Variants in FREM2 observed in about 807,000 individuals in gnomAD.
FREM2 encodes FRAS1 related extracellular matrix 2, also known as FRAS1-related extracellular matrix protein 2.
FREM2 carries 119 observed loss-of-function variants against 219.9 expected under a neutral mutation model. That is an observed-to-expected ratio of 0.54 (90% CI 0.47 to 0.63). The LOEUF is 0.63. Among genes scored for constraint, FREM2 ranks in the 30% least tolerant of loss-of-function variants. The pLI, the probability that FREM2 is intolerant of heterozygous loss-of-function variation, is 0.00. For missense variants in FREM2, 4,030 were observed against 3,993.6 expected, an observed-to-expected ratio of 1.01 and a Z score of -0.25; for synonymous variants, 1,562 against 1,522.8, an observed-to-expected ratio of 1.03 and a Z score of -0.60.
chr13:38,872,408 GTTTAC>G (rs1375091107), intron 16 of FREM2, among the ~76,000 whole-genome samples: 8 of 152,086 alleles, frequency 5.3e-5, no homozygotes, highest in Non-Finnish European at 7.3e-5. Context: ...CCATTGAACT[GTTTAC>G]TTTAAATAGG....
intron 12 of FREM2, 72 bp from the exon 13 acceptor site, chr13:38,857,803 A>T: frequency 7.6e-7 from 1 of 1,315,804 alleles, no homozygotes; most frequent in Non-Finnish European, 1.1e-6. Context: ...GATCGTGAGT[A>T]TTGTTCTGTG....
At chr13:38,694,117 G>A (rs1239266551) in intron 1 of FREM2, among the ~76,000 whole-genome samples, 1 of 152,162 alleles carries the variant, frequency 6.6e-6, no homozygotes, top group Non-Finnish European at 1.5e-5. Flanking sequence ...TTTAAATTCT[G>A]TGGACTAAGT....
intron 2 of FREM2, among the ~76,000 whole-genome samples, chr13:38,763,464 C>CTTT (rs1163604743): frequency 5.9e-5 from 6 of 102,364 alleles, no homozygotes; most frequent in Admixed American, 1.2e-4. Context: ...GTTACTTGGG[C>CTTT]TTTTTTTTTT....
Position 38,846,439 on chromosome 13 carries a change from C to G in FREM2, c.6020-134C>G, listed in dbSNP as rs558684419. On this transcript the variant is annotated intron_variant, in intron 6 of 23. Coordinates refer to ENST00000280481, the MANE Select transcript of FREM2 (RefSeq NM_207361.6). Reference sequence around the variant, plus strand: ...AGTTTAGATTAAAGAGATGTTATCTCACTAAAAGGAAAAAAGTATGATGAT... The same window carrying G: ...AGTTTAGATTAAAGAGATGTTATCTGACTAAAAGGAAAAAAGTATGATGAT... The G allele has an allele frequency of 1.7e-4, 141 of 848,826 alleles. No individual in the cohort carries two copies. The African/African-American group carries it at 2.3e-3, about 14-fold the overall frequency. The allele number at this position is 848,826 out of a possible 1,614,324, so 52.6% of individuals were successfully genotyped here.
Position 38,851,041 on chromosome 13 carries a change from C to T in FREM2, c.6675C>T (p.Asn2225=). 1 of 1,614,030 alleles carries T rather than the reference C, an allele frequency of 6.2e-7. No individual in the cohort carries two copies. Among genetic ancestry groups the T allele is most frequent in the Admixed American group, 1.7e-5 (1 of 60,026 alleles). Residue 2225 remains asparagine (N), a synonymous_variant, in exon 10 of 24, where the codon AAC becomes AAT. Transcript: ENST00000280481. Reference sequence around the variant, plus strand: ...TGGTACTCGGCACTCCACAAAGCAACTCTCCCTTTGGGGCTGCAGTTGGTG... The same window carrying T: ...TGGTACTCGGCACTCCACAAAGCAATTCTCCCTTTGGGGCTGCAGTTGGTG... ...LRLVLGTPQS[N]SPFGAAVGEQ...
In FREM2 at chr13:38,692,315, A is replaced by G; in HGVS notation, c.4971A>G (p.Gln1657=). ...QVLAVDNSVP[Q]IAVNKGASTL... is the part of the protein sequence containing the mutation. ...TGGCTGTTGACAACAGTGTCCCCCAAATCGCAGTGAATAAGGGGGCCTCTA... is the reference window on the plus strand; with the variant it reads ...TGGCTGTTGACAACAGTGTCCCCCAGATCGCAGTGAATAAGGGGGCCTCTA... The change falls in exon 1 of 24, where the codon CAA becomes CAG. Residue 1657 remains glutamine (Q), a synonymous_variant. Transcript: ENST00000280481. 1.2e-6 allele frequency: 2 copies of G among 1,608,554 alleles called. No homozygotes were observed. The highest frequency in any genetic ancestry group is 1.7e-6 in the Non-Finnish European group (2 of 1,176,982).
chr13:38,750,394 C>G (rs1207675013), intron 2 of FREM2, among the ~76,000 whole-genome samples: 1 of 152,130 alleles, frequency 6.6e-6, no homozygotes, highest in Non-Finnish European at 1.5e-5. Context: ...TTTTCTGTGC[C>G]TAGCTTATTT....
At chr13:38,761,671 G>A (rs550471072) in intron 2 of FREM2, among the ~76,000 whole-genome samples, 1 of 152,268 alleles carries the variant, frequency 6.6e-6, no homozygotes, top group Admixed American at 6.5e-5. Context: ...GAGAACAGCT[G>A]CAGAACCACA....
At chr13:38,867,594 G>A (rs781651157) in intron 16 of FREM2, among the ~76,000 whole-genome samples, 9 of 152,228 alleles carry the variant, frequency 5.9e-5, no homozygotes, top group Admixed American at 1.3e-4. Context: ...CGTAGAGACT[G>A]AACAGTTCCA....
In FREM2 at chr13:38,850,059, AACGAATATAT is replaced by A; in HGVS notation, c.6404_6413del (p.Arg2135LeufsTer9). Reference sequence around the variant, plus strand: ...GCAGTGCCTAAGATGCAATTCAAAGAACGAATATATACTGGCAGCGAAAGTGATGGGCAGA... The same window carrying A: ...GCAGTGCCTAAGATGCAATTCAAAGAACTGGCAGCGAAAGTGATGGGCAGA... On this transcript the variant is annotated frameshift_variant, in exon 9 of 24. Coordinates refer to ENST00000280481, the MANE Select transcript of FREM2 (RefSeq NM_207361.6). LOFTEE classifies it high-confidence loss of function. 1 of 1,613,936 alleles carries A rather than the reference AACGAATATAT, an allele frequency of 6.2e-7. No individual in the cohort carries two copies. The highest frequency in any genetic ancestry group is 8.5e-7 in the Non-Finnish European group (1 of 1,179,836).
rs146940540 is a variant in FREM2 at position 38,851,024 on chromosome 13, G to A, written c.6658G>A (p.Gly2220Ser). ...EEVEELRLVL[G>S]TPQSNSPFGA... is the part of the protein sequence containing the mutation. ...GGTAGAGGAGCTCCGCCTGGTACTCGGCACTCCACAAAGCAACTCTCCCTT... is the reference window on the plus strand; with the variant it reads ...GGTAGAGGAGCTCCGCCTGGTACTCAGCACTCCACAAAGCAACTCTCCCTT... The change falls in exon 10 of 24, where the codon GGC (glycine) becomes AGC (serine). Residue 2220 changes from glycine (G) to serine (S), a missense_variant. Around this residue, in one of 2 missense-constraint regions of FREM2, gnomAD observed 3,102 missense variants for 2,950.7 expected, o/e 1.05. Transcript: ENST00000280481. The A allele has an allele frequency of 5.0e-6, 8 of 1,613,782 alleles. No homozygotes were observed. Among genetic ancestry groups the A allele is most frequent in the African/African-American group, 4.0e-5 (3 of 74,882 alleles).
Position 38,688,253 on chromosome 13 carries a change from C to G in FREM2, c.909C>G (p.Phe303Leu). The change falls in exon 1 of 24, where the codon TTC becomes TTG. Residue 303 changes from phenylalanine (F) to leucine (L), a missense_variant. This residue lies in a region of FREM2 where 3,102 missense variants were observed against 2,950.7 expected (regional missense o/e 1.05). Transcript: ENST00000280481. Reference sequence around the variant, plus strand: ...GCCCTGCTTTGAAACGCGAGCACTTCCAGGTTCTGGTGAGGATCCGAGGAG... The same window carrying G: ...GCCCTGCTTTGAAACGCGAGCACTTGCAGGTTCTGGTGAGGATCCGAGGAG... ...VGSPALKREH[F>L]QVLVRIRGGA... 6.2e-7 allele frequency: 1 copy of G among 1,613,970 alleles called. No homozygotes were observed. The highest frequency in any genetic ancestry group is 8.5e-7 in the Non-Finnish European group (1 of 1,180,024).
chr13:38,726,061 C>T (rs898803086), intron 2 of FREM2, among the ~76,000 whole-genome samples: 6 of 152,208 alleles, frequency 3.9e-5, no homozygotes, highest in East Asian at 1.9e-4. Flanking sequence ...ATGAGGAGGG[C>T]GCACACCATG....
chr13:38,820,209 CGGTGAAAAT>C (rs1212194092), intron 6 of FREM2, among the ~76,000 whole-genome samples: 1 of 152,030 alleles, frequency 6.6e-6, no homozygotes, highest in African/African-American at 2.4e-5. Flanking sequence ...GCAAATGACC[CGGTGAAAAT>C]GGTTGCCTTT....
Position 38,691,631 on chromosome 13 carries a change from G to A in FREM2, c.4287G>A (p.Val1429=). The A allele has an allele frequency of 1.2e-6, 2 of 1,614,090 alleles. No homozygotes were observed. The highest frequency in any genetic ancestry group is 1.7e-6 in the Non-Finnish European group (2 of 1,179,978). ...IVFPDVISKG[V]SLKEGGKVTL... ...TCCCTGATGTGATAAGTAAGGGAGT[G>A]TCCTTGAAAGAAGGTGGCAAAGTCA... is the stretch of plus-strand genomic sequence containing the variant. Residue 1429 remains valine, a synonymous_variant, in exon 1 of 24, where the codon GTG becomes GTA. Coordinates refer to ENST00000280481, the MANE Select transcript of FREM2 (RefSeq NM_207361.6).
At chr13:38,816,176 C>A (rs924855453) in intron 6 of FREM2, among the ~76,000 whole-genome samples, 7 of 152,174 alleles carry the variant, frequency 4.6e-5, no homozygotes, top group Admixed American at 3.9e-4. Context: ...AATACCAATT[C>A]TTCTCAAACT....
Position 38,858,014 on chromosome 13 carries a change from A to G in FREM2, c.7196A>G (p.Tyr2399Cys). The change falls in exon 13 of 24, where the codon TAT becomes TGT. Residue 2399 changes from tyrosine to cysteine, a missense_variant. Transcript: ENST00000280481. ...GAGAGTGCTGAACCCATGTCTGGCT[A>G]TCCTGTCATCTGTATCACAGTGAGT... Reference protein sequence around the residue: ...AKESAEPMSGYPVICITACNP... With the variant: ...AKESAEPMSGCPVICITACNP... The G allele has an allele frequency of 6.2e-7, 1 of 1,614,008 alleles. No homozygotes were observed. Among genetic ancestry groups the G allele is most frequent in the Non-Finnish European group, 8.5e-7 (1 of 1,179,896 alleles).
chr13:38,844,832 C>T (rs1290609251), intron 6 of FREM2, among the ~76,000 whole-genome samples: 1 of 152,198 alleles, frequency 6.6e-6, no homozygotes, highest in Non-Finnish European at 1.5e-5. Context: ...AAAAGACTTA[C>T]AGATGTGCCT....
intron 17 of FREM2, among the ~76,000 whole-genome samples, chr13:38,873,812 TTTG>T (rs1208033545): frequency 6.6e-6 from 1 of 152,208 alleles, no homozygotes; most frequent in Admixed American, 6.5e-5. Flanking sequence ...CTCTGTTCAT[TTTG>T]TTGTTGTCTT....
Sources: gnomAD v4.1 joint callset for allele counts (sites outside exome capture counted in the v4.1 genomes callset) on GRCh38, gnomAD v4.1.1 for gene constraint, gnomAD v4.1.1 regional missense constraint, MANE v1.5 for transcripts, NCBI Gene and HGNC (gene_info 2026-07-23, HGNC 2026-07-21) for gene names.